The following TTC7A variants were observed in gnomAD, a reference collection of about 807,000 sequenced individuals.
TTC7A encodes tetratricopeptide repeat protein 7A.
Under a neutral mutation model 103.7 loss-of-function variants are expected in TTC7A, and 110 were observed. The ratio of observed to expected loss-of-function variants is 1.06; its 90% CI spans 0.91 to 1.24. The LOEUF (loss-of-function observed/expected upper bound fraction) is 1.24, where lower values mean the gene tolerates loss of function less well. Ranked by LOEUF, TTC7A falls within the 50% of genes most tolerant of loss-of-function variation. TTC7A has a pLI of 0.00. For synonymous variants in TTC7A, 521 were observed against 467.9 expected, an observed-to-expected ratio of 1.11 and a Z score of -1.47; for missense variants, 1,340 against 1,116.3, an observed-to-expected ratio of 1.20 and a Z score of -2.86.
intron 15 of TTC7A, among the ~76,000 whole-genome samples, chr2:47,030,165 C>T (rs1680378577): frequency 6.6e-6 from 1 of 152,228 alleles, no homozygotes; most frequent in Non-Finnish European, 1.5e-5. Flanking sequence ...ACCTTAGGGT[C>T]TGAAGGAAGG....
intron 2 of TTC7A, among the ~76,000 whole-genome samples, chr2:46,921,285 A>G (rs1379562327): frequency 1.3e-5 from 2 of 152,258 alleles, no homozygotes; most frequent in Non-Finnish European, 2.9e-5. Flanking sequence ...TAACGTAGAA[A>G]AAAGCTACTA....
rs537632850 is a variant in TTC7A at position 47,046,510 on chromosome 2, C to G, written c.1919+79C>G. On this transcript the variant is annotated intron_variant, in intron 16 of 19. Transcript: ENST00000319190. ...AATCCACAGCTGGGTGGCCACCATG[C>G]CTGCCAAGATGGGGAGGAGAGTGAG... The G allele has an allele frequency of 1.0e-4, 113 of 1,117,216 alleles. No homozygotes were observed. The African/African-American group carries it at 1.5e-3, about 15-fold the overall frequency. 69.2% of individuals were successfully genotyped at this position (1,117,216 alleles called of 1,614,324 possible). A position where few individuals can be genotyped will look rare whatever the true frequency, so the allele number is the denominator to read the frequency against.
intron 15 of TTC7A, 87 bp downstream of exon 15, chr2:47,029,471 C>T: frequency 6.9e-7 from 1 of 1,457,418 alleles, no homozygotes; most frequent in Non-Finnish European, 9.5e-7. Context: ...GCCATGGTGT[C>T]AGCCAACACA....
intron 15 of TTC7A, among the ~76,000 whole-genome samples, chr2:47,039,956 C>A (rs907699747): frequency 3.3e-5 from 5 of 152,184 alleles, no homozygotes; most frequent in Non-Finnish European, 5.9e-5. Flanking sequence ...GCTGAGATGT[C>A]CCCTGGTTCA....
intron 2 of TTC7A, among the ~76,000 whole-genome samples, chr2:46,917,554 C>T (rs1223688167): frequency 2.0e-5 from 3 of 152,222 alleles, no homozygotes; most frequent in East Asian, 1.9e-4. Flanking sequence ...TGTCAAGAAG[C>T]TGGTGTCTGG....
intron 19 of TTC7A, among the ~76,000 whole-genome samples, chr2:47,067,249 T>A (rs557558276): frequency 6.6e-6 from 1 of 152,222 alleles, no homozygotes; most frequent in Non-Finnish European, 1.5e-5. Flanking sequence ...TAATCTAGAC[T>A]CTCTTGTGAC....
chr2:47,041,797 T>A (rs1681780824), intron 15 of TTC7A, among the ~76,000 whole-genome samples: 1 of 151,856 alleles, frequency 6.6e-6, no homozygotes, highest in South Asian at 2.1e-4. Context: ...ATTAAACTCT[T>A]AAGCCTAGGT....
intron 5 of TTC7A, among the ~76,000 whole-genome samples, chr2:46,980,779 C>G (rs892751950): frequency 6.6e-6 from 1 of 152,206 alleles, no homozygotes; most frequent in Admixed American, 6.5e-5. Context: ...CCAACAACTT[C>G]TGTCTCAACT....
chr2:46,956,227 C>G (rs1671840655), intron 2 of TTC7A, among the ~76,000 whole-genome samples: 1 of 152,230 alleles, frequency 6.6e-6, no homozygotes, highest in Non-Finnish European at 1.5e-5. Flanking sequence ...TTCAGCCACT[C>G]TTGGCCTCCG....
intron 15 of TTC7A, among the ~76,000 whole-genome samples, chr2:47,045,220 T>A (rs1402422872): frequency 6.6e-6 from 1 of 152,124 alleles, no homozygotes; most frequent in Admixed American, 6.5e-5. Context: ...TGGGTGAAAA[T>A]ATGACTGGAC....
intron 16 of TTC7A, among the ~76,000 whole-genome samples, chr2:47,049,209 G>A (rs937838140): frequency 2.0e-5 from 3 of 152,174 alleles, no homozygotes; most frequent in Non-Finnish European, 4.4e-5. Context: ...CCAGTCAACA[G>A]GGTCAAAGGT....
chr2:46,947,300 G>T (rs1448704233), intron 1 of TTC7A, among the ~76,000 whole-genome samples: 1 of 152,120 alleles, frequency 6.6e-6, no homozygotes, highest in East Asian at 1.9e-4. Context: ...GAGATGAAAT[G>T]ATGCTATATA....
At position 47,003,212 on chromosome 2, in the gene TTC7A, G is replaced by C. The variant is rs191880676; in HGVS notation, c.1066-2710G>C. Among the ~76,000 whole-genome samples, 605 of 152,252 alleles carry C rather than the reference G, an allele frequency of 4.0e-3. 4 individuals are homozygous for C. Among genetic ancestry groups the C allele is most frequent in the African/African-American group, 0.013 (557 of 41,542 alleles). On this transcript the variant is annotated intron_variant, in intron 8 of 19. Coordinates refer to ENST00000319190, the MANE Select transcript of TTC7A (RefSeq NM_020458.4). The stretch of plus-strand genomic sequence containing the variant: ...CTGCAGGTTGAGTCAAGTTCTGTGC[G>C]TGAGGCTGTGCCTGGGGCCAGGAGT...
chr2:46,946,787 AC>A (rs11292114), intron 1 of TTC7A, among the ~76,000 whole-genome samples: 4,899 of 152,292 alleles, frequency 0.032, 260 homozygotes, highest in African/African-American at 0.11. Flanking sequence ...AGTTCCATAG[AC>A]TGAACAGTTG....
chr2:47,004,132 T>C (rs1182611307), intron 8 of TTC7A, among the ~76,000 whole-genome samples: 1 of 152,182 alleles, frequency 6.6e-6, no homozygotes, highest in Admixed American at 6.5e-5. Flanking sequence ...CTTGCCGGGA[T>C]TTCCGGGCAT....
chr2:47,042,702 G>GTT (rs111460716), intron 15 of TTC7A, among the ~76,000 whole-genome samples: 1 of 142,636 alleles, frequency 7.0e-6, no homozygotes, highest in Admixed American at 7.0e-5. Context: ...GTGTGTGTGT[G>GTT]TATATATATG....
chr2:47,003,518 G>A (rs566489449), intron 8 of TTC7A, among the ~76,000 whole-genome samples: 133 of 152,286 alleles, frequency 8.7e-4, no homozygotes, highest in African/African-American at 3.0e-3. Flanking sequence ...CCCCAGAAAG[G>A]AGTTTAGATT....
intron 3 of TTC7A, among the ~76,000 whole-genome samples, chr2:46,967,574 A>G (rs939569922): frequency 7.2e-5 from 11 of 152,188 alleles, no homozygotes; most frequent in Non-Finnish European, 1.5e-4. Flanking sequence ...ATATTGTAGC[A>G]TGTGTCAGAA....
intron 5 of TTC7A, among the ~76,000 whole-genome samples, chr2:46,980,494 G>A (rs1056775226): frequency 6.6e-6 from 1 of 152,162 alleles, no homozygotes; most frequent in Non-Finnish European, 1.5e-5. Context: ...TTACAGGCGT[G>A]AGCCACTGTG....
Sources: gnomAD v4.1 joint callset for allele counts (sites outside exome capture counted in the v4.1 genomes callset) on GRCh38, gnomAD v4.1.1 for gene constraint, MANE v1.5 for transcripts, NCBI Gene and HGNC (gene_info 2026-07-23, HGNC 2026-07-21) for gene names.